HMGN5: variants seen among roughly 807,000 people sequenced by gnomAD.
HMGN5 encodes the protein high mobility group nucleosome-binding domain-containing protein 5.
HMGN5 carries 4 observed loss-of-function variants against 9.5 expected under a neutral mutation model. The observed-to-expected ratio is 0.42, with a 90% CI of 0.21 to 0.96. The LOEUF (loss-of-function observed/expected upper bound fraction) is 0.96, where lower values mean the gene tolerates loss of function less well. Ranked by LOEUF, HMGN5 falls within the 40% of genes least tolerant of loss-of-function variation. The pLI, the probability that HMGN5 is intolerant of heterozygous loss-of-function variation, is 0.30. For missense variants in HMGN5, 192 were observed against 187.5 expected (o/e 1.02, Z -0.14); for synonymous variants, 55 against 57.1 (o/e 0.96, Z 0.16).
chrX:81,174,033 T>C (rs940654990), intron 1 of HMGN5, among the ~76,000 whole-genome samples: 1 of 111,688 alleles, frequency 9.0e-6, no homozygotes, highest in Non-Finnish European at 1.9e-5. Context: ...TTTTCTGTAA[T>C]TTCTCCTAAG....
chrX:81,121,458 C>G (rs1390244842), intron 2 of HMGN5, 77 bp downstream of exon 2: 2 of 1,046,949 alleles, frequency 1.9e-6, no homozygotes, highest in Non-Finnish European at 2.7e-6. Context: ...AAAAACCAAA[C>G]AAACAAATAA....
At chrX:81,147,086 C>T (rs915817011) in intron 1 of HMGN5, among the ~76,000 whole-genome samples, 2 of 111,772 alleles carry the variant, frequency 1.8e-5, no homozygotes, top group Non-Finnish European at 3.8e-5. Context: ...GGAGCTGGTA[C>T]CATTCCTTCT....
intron 1 of HMGN5, among the ~76,000 whole-genome samples, chrX:81,181,845 G>C (rs2075463760): frequency 8.9e-6 from 1 of 112,012 alleles, no homozygotes; most frequent in South Asian, 3.7e-4. Flanking sequence ...TCATTCATTT[G>C]TTGACAGACC....
intron 1 of HMGN5, among the ~76,000 whole-genome samples, chrX:81,166,476 C>T (rs977341827): frequency 9.0e-6 from 1 of 111,535 alleles, no homozygotes; most frequent in East Asian, 2.8e-4. Context: ...TAGTAAATCG[C>T]TGTATTACAT....
chrX:81,188,419 G>A (rs1452517762), intron 1 of HMGN5, among the ~76,000 whole-genome samples: 2 of 109,514 alleles, frequency 1.8e-5, no homozygotes, highest in East Asian at 5.7e-4. Context: ...GTGAGCCATT[G>A]TGCCCAGCCA....
chrX:81,149,540 C>T (rs189837489), intron 1 of HMGN5, among the ~76,000 whole-genome samples: 3 of 111,442 alleles, frequency 2.7e-5, no homozygotes, highest in Non-Finnish European at 5.7e-5. Flanking sequence ...TTGACGGGTG[C>T]AGCAAAGCAC....
intron 1 of HMGN5, among the ~76,000 whole-genome samples, chrX:81,180,855 G>C (rs2075460829): frequency 8.9e-6 from 1 of 111,789 alleles, no homozygotes; most frequent in Non-Finnish European, 1.9e-5. Context: ...GTACACCATG[G>C]AATACTATGC....
intron 1 of HMGN5, among the ~76,000 whole-genome samples, chrX:81,200,878 C>A (rs1291984402): frequency 9.0e-6 from 1 of 111,143 alleles, no homozygotes; most frequent in Non-Finnish European, 1.9e-5. Context: ...AAGAAGGTGG[C>A]CTCTGGAGTT....
chrX:81,137,179 G>A (rs916654959), intron 1 of HMGN5, among the ~76,000 whole-genome samples: 4 of 111,006 alleles, frequency 3.6e-5, no homozygotes, highest in Non-Finnish European at 5.7e-5. Context: ...AGAACTACTA[G>A]ATAGAAAGTC....
chrX:81,167,565 A>ATACTTCCT (rs1246643194), intron 1 of HMGN5, among the ~76,000 whole-genome samples: 3 of 111,736 alleles, frequency 2.7e-5, no homozygotes, highest in Admixed American at 1.9e-4. Flanking sequence ...TTTCTATCTT[A>ATACTTCCT]TACTTCCTTT....
chrX:81,116,248 C>T lies in HMGN5; in HGVS notation c.223G>A (p.Asp75Asn). 1.7e-6 allele frequency: 2 copies of T among 1,197,958 alleles called. No individual in the cohort carries two copies. The highest frequency in any genetic ancestry group is 1.1e-6 in the Non-Finnish European group (1 of 883,876). The change falls in exon 6 of 7, where the codon GAC becomes AAC. Residue 75 changes from aspartate to asparagine, a missense_variant. By Grantham distance (23) the Asp-to-Asn change is conservative. Transcript: ENST00000358130. Reference sequence around the variant, plus strand: ...CCATTTTTAGCATTTTCATTGTAGTCTTCTTCAACAACTGCTTCTTGCTTG... The same window carrying T: ...CCATTTTTAGCATTTTCATTGTAGTTTTCTTCAACAACTGCTTCTTGCTTG... ...ETKQEAVVEE[D>N]YNENAKNGEA... is the part of the protein sequence containing the mutation.
chrX:81,118,222 C>T (rs949296198), intron 5 of HMGN5, among the ~76,000 whole-genome samples: 2 of 110,414 alleles, frequency 1.8e-5, no homozygotes, highest in Admixed American at 1.9e-4. Context: ...TTGTCTCTAC[C>T]CAGTGAAAAT....
chrX:81,148,195 A>G (rs1225512636), intron 1 of HMGN5, among the ~76,000 whole-genome samples: 2 of 112,105 alleles, frequency 1.8e-5, no homozygotes, highest in Non-Finnish European at 3.8e-5. Context: ...AGCAAAAAGA[A>G]CAAAGCTGTG....
At chrX:81,160,286 C>T (rs2075394797) in intron 1 of HMGN5, among the ~76,000 whole-genome samples, 1 of 112,080 alleles carries the variant, frequency 8.9e-6, no homozygotes, top group Admixed American at 9.5e-5. Context: ...AGTGTATTAA[C>T]AAGACCCTGT....
rs190319872 is a variant in HMGN5 at position 81,180,449 on chromosome X, A to T, written c.-124+21288T>A. Among the ~76,000 whole-genome samples, 283 of 112,578 alleles carry T rather than the reference A, an allele frequency of 2.5e-3. 1 individual carries two copies. Among genetic ancestry groups the T allele is most frequent in the African/African-American group, 8.7e-3 (269 of 30,994 alleles). On this transcript the variant is annotated intron_variant, in intron 1 of 6. Transcript: ENST00000358130. ...ATGCAGTCAACAGACACCAGAAAAA[A>T]TGCTCATCATCACTGGCCGTCAGAG...
chrX:81,139,340 A>G (rs2075321157), intron 1 of HMGN5, among the ~76,000 whole-genome samples: 1 of 111,835 alleles, frequency 8.9e-6, no homozygotes, highest in South Asian at 3.7e-4. Context: ...TCAATAAATG[A>G]TACTAGAACA....
chrX:81,160,529 A>G (rs1050191632), intron 1 of HMGN5, among the ~76,000 whole-genome samples: 1 of 109,250 alleles, frequency 9.2e-6, no homozygotes, highest in African/African-American at 3.3e-5. Context: ...CTTGCCCCTC[A>G]CCTCACAACT....
At chrX:81,155,281 A>T (rs2075380162) in intron 1 of HMGN5, among the ~76,000 whole-genome samples, 1 of 105,170 alleles carries the variant, frequency 9.5e-6, no homozygotes, top group South Asian at 3.9e-4. Context: ...ATATAATTAT[A>T]TAATATAATT....
At chrX:81,180,877 G>T (rs1056984966) in intron 1 of HMGN5, among the ~76,000 whole-genome samples, 1 of 111,694 alleles carries the variant, frequency 9.0e-6, no homozygotes, top group African/African-American at 3.3e-5. Context: ...GCCATAAAAA[G>T]GATGAGTTCA....
Sources: gnomAD v4.1 joint callset for allele counts (sites outside exome capture counted in the v4.1 genomes callset) on GRCh38, gnomAD v4.1.1 for gene constraint, MANE v1.5 for transcripts, NCBI Gene and HGNC (gene_info 2026-07-23, HGNC 2026-07-21) for gene names.